CYSLTR2: variants seen among roughly 807,000 people sequenced by gnomAD.
CYSLTR2 encodes the protein cysteinyl leukotriene receptor 2.
For synonymous variants in CYSLTR2, 179 were observed against 160.8 expected (o/e 1.11, Z -0.86); for missense variants, 398 against 411.9 (o/e 0.97, Z 0.29).
At chr13:48,662,546 C>A (rs554215116) in intron 1 of CYSLTR2, among the ~76,000 whole-genome samples, 1 of 152,252 alleles carries the variant, frequency 6.6e-6, no homozygotes, top group South Asian at 2.1e-4. Flanking sequence ...AATAGCCATC[C>A]TAACTGGGGT....
At chr13:48,695,400 T>A (rs985802482) in intron 3 of CYSLTR2, among the ~76,000 whole-genome samples, 2 of 150,096 alleles carry the variant, frequency 1.3e-5, no homozygotes, top group African/African-American at 5.0e-5. Context: ...TTTCTCTCTC[T>A]CTCTCTTTCT....
At chr13:48,666,118 G>C (rs1324304300) in intron 1 of CYSLTR2, among the ~76,000 whole-genome samples, 1 of 151,990 alleles carries the variant, frequency 6.6e-6, no homozygotes, top group Admixed American at 6.6e-5. Flanking sequence ...ATTTTTGCTT[G>C]TCTGGGAAAG....
chr13:48,675,121 G>A (rs1236083076), intron 1 of CYSLTR2, among the ~76,000 whole-genome samples: 1 of 152,196 alleles, frequency 6.6e-6, no homozygotes, highest in Admixed American at 6.5e-5. Context: ...ATGGGGTTCA[G>A]GGATCCACTT....
chr13:48,705,993 G>GTT (rs1477157577), intron 4 of CYSLTR2, among the ~76,000 whole-genome samples: 2 of 125,794 alleles, frequency 1.6e-5, no homozygotes, highest in Non-Finnish European at 3.5e-5. Context: ...GTTTTGTTTT[G>GTT]TTGTTGTTTT....
At chr13:48,705,045 G>A (rs1954445233) in intron 4 of CYSLTR2, among the ~76,000 whole-genome samples, 1 of 152,172 alleles carries the variant, frequency 6.6e-6, no homozygotes, top group Admixed American at 6.5e-5. Flanking sequence ...GGTCCTTGAA[G>A]TCACTAAATA....
At chr13:48,694,919 G>T (rs1272593433) in intron 3 of CYSLTR2, 1 of 151,832 alleles carries the variant, frequency 6.6e-6, no homozygotes, top group African/African-American at 2.4e-5. Context: ...AAATTGCAGG[G>T]TATTCTGTTC....
intron 1 of CYSLTR2, among the ~76,000 whole-genome samples, chr13:48,687,332 C>CATCTATCTATCTATCT (rs375041227): frequency 9.9e-4 from 151 of 151,978 alleles, no homozygotes; most frequent in African/African-American, 3.5e-3. Flanking sequence ...AATCTCCTCT[C>CATCTATCTATCTATCT]ATCTATCTAT....
chr13:48,680,564 A>T (rs1391136730), intron 1 of CYSLTR2, among the ~76,000 whole-genome samples: 17 of 152,132 alleles, frequency 1.1e-4, no homozygotes, highest in Admixed American at 1.1e-3. Flanking sequence ...CAGGAGATGA[A>T]GTCTTCATTC....
At chr13:48,679,759 A>G (rs1174562343) in intron 1 of CYSLTR2, among the ~76,000 whole-genome samples, 1 of 152,134 alleles carries the variant, frequency 6.6e-6, no homozygotes, top group Non-Finnish European at 1.5e-5. Context: ...GGGGGAGCTG[A>G]TAAAGGAAAT....
intron 1 of CYSLTR2, among the ~76,000 whole-genome samples, chr13:48,664,269 T>C (rs1953203621): frequency 6.6e-6 from 1 of 152,074 alleles, no homozygotes; most frequent in Admixed American, 6.6e-5. Context: ...ATCAGGGATA[T>C]TAGCCTGTAG....
At chr13:48,706,033 G>A (rs1054409919) in intron 4 of CYSLTR2, among the ~76,000 whole-genome samples, 1 of 115,208 alleles carries the variant, frequency 8.7e-6, no homozygotes, top group Non-Finnish European at 1.7e-5. Context: ...TTTCGCTCTT[G>A]TTGCCCCAGC....
At chr13:48,668,334 T>G (rs1953321482) in intron 1 of CYSLTR2, among the ~76,000 whole-genome samples, 1 of 151,622 alleles carries the variant, frequency 6.6e-6, no homozygotes, top group Non-Finnish European at 1.5e-5. Context: ...TGGCAAGAGT[T>G]AGGCACATTG....
intron 3 of CYSLTR2, among the ~76,000 whole-genome samples, chr13:48,694,151 A>G (rs1190069437): frequency 2.6e-5 from 4 of 151,814 alleles, no homozygotes; most frequent in Non-Finnish European, 5.9e-5. Context: ...GCAAAGGTCA[A>G]TTGTCTACAA....
intron 4 of CYSLTR2, among the ~76,000 whole-genome samples, chr13:48,700,112 C>A (rs958258432): frequency 6.6e-6 from 1 of 152,184 alleles, no homozygotes; most frequent in Non-Finnish European, 1.5e-5. Flanking sequence ...TGGTACCATT[C>A]CTTCTGAAAC....
At chr13:48,660,351 A>G (rs1953097909) in intron 1 of CYSLTR2, among the ~76,000 whole-genome samples, 3 of 152,204 alleles carry the variant, frequency 2.0e-5, no homozygotes, top group Admixed American at 6.5e-5. Context: ...CCAATGGCCC[A>G]AAGTGCTGAC....
At chr13:48,675,964 C>A (rs553067156) in intron 1 of CYSLTR2, among the ~76,000 whole-genome samples, 46 of 152,348 alleles carry the variant, frequency 3.0e-4, no homozygotes, top group Middle Eastern at 3.4e-3. Context: ...CTGCTCACCC[C>A]CCATGGGCTG....
chr13:48,696,101 A>G (rs1954179881), intron 3 of CYSLTR2, among the ~76,000 whole-genome samples: 1 of 152,228 alleles, frequency 6.6e-6, no homozygotes, highest in Non-Finnish European at 1.5e-5. Context: ...ATAAGTATGT[A>G]GTAATACCTC....
At chr13:48,697,510 C>T (rs377175141) in intron 4 of CYSLTR2, among the ~76,000 whole-genome samples, 12 of 152,166 alleles carry the variant, frequency 7.9e-5, no homozygotes, top group Middle Eastern at 3.4e-3. Flanking sequence ...CCCATCTGTA[C>T]GTCACCATCA....
intron 4 of CYSLTR2, 129 bp from the exon 5 acceptor site, chr13:48,706,688 C>G (rs1268140706): frequency 1.7e-5 from 12 of 705,818 alleles, no homozygotes; most frequent in Admixed American, 8.3e-5. Context: ...TGTTTTAAAA[C>G]TCAACTTTCA....
Sources: allele counts gnomAD v4.1 joint callset (sites outside exome capture counted in the v4.1 genomes callset), GRCh38; gene constraint gnomAD v4.1.1; transcripts MANE v1.5; gene names NCBI Gene and HGNC (gene_info 2026-07-23, HGNC 2026-07-21).